The following NCAM2 variants were observed in gnomAD, a reference collection of about 807,000 sequenced individuals.
The protein encoded by NCAM2 is neural cell adhesion molecule 2.
In NCAM2, 30 loss-of-function variants were observed where a neutral mutation model predicts 98.1. The ratio of observed to expected loss-of-function variants is 0.31; its 90% confidence interval spans 0.23 to 0.41. The LOEUF (loss-of-function observed/expected upper bound fraction) is 0.41. Among genes scored for constraint, NCAM2 ranks in the 10% least tolerant of loss-of-function variants. The pLI, the probability that NCAM2 is intolerant of heterozygous loss-of-function variation, is 1.00. For synonymous variants in NCAM2, 368 were observed against 342.4 expected, an observed-to-expected ratio of 1.07 and a Z score of -0.83; for missense variants, 867 against 1,005.8, an observed-to-expected ratio of 0.86 and a Z score of 1.87.
At chr21:21,297,355 A>T (rs914647359) in intron 5 of NCAM2, among the ~76,000 whole-genome samples, 1 of 151,674 alleles carries the variant, frequency 6.6e-6, no homozygotes, top group Non-Finnish European at 1.5e-5. Flanking sequence ...TCATAAAAAA[A>T]TTTTACTTGC....
At chr21:21,480,678 G>T (rs963275428) in intron 15 of NCAM2, among the ~76,000 whole-genome samples, 1 of 152,236 alleles carries the variant, frequency 6.6e-6, no homozygotes, top group Admixed American at 6.5e-5. Flanking sequence ...AAAGTTGTAT[G>T]AAGAGATAGG....
intron 1 of NCAM2, among the ~76,000 whole-genome samples, chr21:21,255,791 T>C (rs1484775644): frequency 6.6e-6 from 1 of 152,126 alleles, no homozygotes. Context: ...CCTTATCTAC[T>C]CCAGGCTGTG....
At chr21:21,096,404 A>T (rs1316890552) in intron 1 of NCAM2, among the ~76,000 whole-genome samples, 1 of 151,768 alleles carries the variant, frequency 6.6e-6, no homozygotes, top group African/African-American at 2.4e-5. Flanking sequence ...TCATTTGAAA[A>T]CTTACAATTG....
At chr21:21,266,146 C>G (rs180817741) in intron 1 of NCAM2, among the ~76,000 whole-genome samples, 2 of 152,050 alleles carry the variant, frequency 1.3e-5, no homozygotes, top group Admixed American at 6.6e-5. Flanking sequence ...TTTTAAAAAC[C>G]CTTTCAAAAA....
At chr21:21,480,093 G>A (rs233750) in intron 15 of NCAM2, among the ~76,000 whole-genome samples, 14,325 of 152,072 alleles carry the variant, frequency 0.094, 2,256 homozygotes, top group African/African-American at 0.33. Flanking sequence ...CTGGCCGGGC[G>A]CGGTGGCTCA....
intron 1 of NCAM2, among the ~76,000 whole-genome samples, chr21:21,188,931 A>T (rs1345319315): frequency 6.6e-6 from 1 of 152,228 alleles, no homozygotes; most frequent in African/African-American, 2.4e-5. Context: ...GCCCCATTAT[A>T]TACAAAGTAT....
Position 21,542,964 on chromosome 21 carries a change from G to A in NCAM2, c.*5007G>A, listed in dbSNP as rs1746561613. 1 of 151,426 alleles carries A rather than the reference G, an allele frequency of 6.6e-6. No individual in the cohort carries two copies. Among genetic ancestry groups the A allele is most frequent in the Non-Finnish European group, 1.5e-5 (1 of 67,784 alleles). 9.4% of individuals were successfully genotyped at this position (151,426 alleles called of 1,614,324 possible). A position where few individuals can be genotyped will look rare whatever the true frequency, so the allele number is the denominator to read the frequency against. On this transcript the variant is annotated 3_prime_UTR_variant, in exon 18 of 18. Transcript: ENST00000400546. ...AAGAAATATTCATGGTTTAGCATTT[G>A]CCTCTAAACCCTGTTAGAAATATGT...
At chr21:21,144,219 C>T (rs1164760819) in intron 1 of NCAM2, among the ~76,000 whole-genome samples, 1 of 151,784 alleles carries the variant, frequency 6.6e-6, no homozygotes, top group Admixed American at 6.6e-5. Context: ...TGTGGTGGTG[C>T]ATGCCTGTAA....
At chr21:21,358,935 T>C (rs570330628) in intron 8 of NCAM2, among the ~76,000 whole-genome samples, 3 of 152,040 alleles carry the variant, frequency 2.0e-5, no homozygotes, top group Admixed American at 2.0e-4. Flanking sequence ...GGAGTGTTTC[T>C]TCAATTTTCT....
chr21:21,508,843 T>TTTTTTTTTTTTG lies in NCAM2; in HGVS notation c.2078-4_2078-3insTTTTTTTGTTTT. The stretch of plus-strand genomic sequence containing the variant: ...TTTTTTTTTTTTTTTTTTTTTTTAC[T>TTTTTTTTTTTTG]TTTTAAGACACGCTGTTTAATGGTC... On this transcript the variant is annotated splice_polypyrimidine_tract_variant and splice_region_variant and intron_variant, in intron 15 of 17. Transcript: ENST00000400546. 9.8e-7 allele frequency: 1 copy of TTTTTTTTTTTTG among 1,022,964 alleles called. No homozygotes were observed. The highest frequency in any genetic ancestry group is 1.3e-6 in the Non-Finnish European group (1 of 754,054). 63.4% of individuals were successfully genotyped at this position (1,022,964 alleles called of 1,614,324 possible). A position where few individuals can be genotyped will look rare whatever the true frequency, so the allele number is the denominator to read the frequency against.
At chr21:21,099,346 C>T (rs149383400) in intron 1 of NCAM2, among the ~76,000 whole-genome samples, 7 of 151,942 alleles carry the variant, frequency 4.6e-5, no homozygotes, top group East Asian at 1.9e-4. Flanking sequence ...TTCATTCTCA[C>T]GCTGCTATAA....
At chr21:21,534,183 G>A (rs1989860956) in intron 16 of NCAM2, among the ~76,000 whole-genome samples, 1 of 151,880 alleles carries the variant, frequency 6.6e-6, no homozygotes, top group African/African-American at 2.4e-5. Flanking sequence ...TGGCTAGTTA[G>A]AGGAAAGAAA....
At chr21:21,490,388 T>G (rs1333234721) in intron 15 of NCAM2, among the ~76,000 whole-genome samples, 2 of 151,986 alleles carry the variant, frequency 1.3e-5, no homozygotes, top group African/African-American at 4.8e-5. Flanking sequence ...TAATTTTAAT[T>G]GTGAACTAAT....
chr21:21,527,520 G>A (rs1186500026), intron 16 of NCAM2, among the ~76,000 whole-genome samples: 5 of 152,144 alleles, frequency 3.3e-5, no homozygotes, highest in African/African-American at 1.2e-4. Context: ...ATAAAAAGAA[G>A]AGCCCAATTA....
chr21:21,295,713 A>G (rs2073452415), intron 5 of NCAM2, among the ~76,000 whole-genome samples: 1 of 151,850 alleles, frequency 6.6e-6, no homozygotes, highest in Non-Finnish European at 1.5e-5. Context: ...GTTGATCTGC[A>G]AGTGCAGACA....
chr21:21,256,118 G>T (rs1295881537), intron 1 of NCAM2, among the ~76,000 whole-genome samples: 5 of 152,178 alleles, frequency 3.3e-5, no homozygotes, highest in African/African-American at 7.2e-5. Context: ...ACTTTGGGAG[G>T]TCGAGGTGGG....
At chr21:21,332,786 T>A (rs1767888433) in intron 6 of NCAM2, among the ~76,000 whole-genome samples, 1 of 152,118 alleles carries the variant, frequency 6.6e-6, no homozygotes, top group African/African-American at 2.4e-5. Context: ...GCCTGAAAAC[T>A]CTCTTCAGGC....
chr21:21,007,485 T>G (rs1247865563), intron 1 of NCAM2, among the ~76,000 whole-genome samples: 1 of 152,208 alleles, frequency 6.6e-6, no homozygotes, highest in Non-Finnish European at 1.5e-5. Context: ...GCCCATTTTT[T>G]GTTCTTCATT....
At chr21:21,528,396 C>T (rs1989443425) in intron 16 of NCAM2, among the ~76,000 whole-genome samples, 1 of 152,038 alleles carries the variant, frequency 6.6e-6, no homozygotes, top group South Asian at 2.1e-4. Context: ...AACAAATGCA[C>T]CCCTCTGGTG....
Sources: allele counts gnomAD v4.1 joint callset (sites outside exome capture counted in the v4.1 genomes callset), GRCh38; gene constraint gnomAD v4.1.1; transcripts MANE v1.5; gene names NCBI Gene and HGNC (gene_info 2026-07-23, HGNC 2026-07-21).